Variants in TUT1 observed in about 807,000 individuals in gnomAD.
The protein encoded by TUT1 is terminal uridylyl transferase 1, U6 snRNA-specific, also known as speckle targeted PIP5K1A-regulated poly(A) polymerase.
In TUT1, 26 loss-of-function variants were observed where a neutral mutation model predicts 48.8. The ratio of observed to expected loss-of-function variants is 0.53; its 90% confidence interval spans 0.39 to 0.74. The LOEUF is 0.74. Ranked by LOEUF, TUT1 falls within the 30% of genes least tolerant of loss-of-function variation. The pLI is 0.00. For missense variants in TUT1, 1,065 were observed against 1,114.8 expected (o/e 0.96, Z 0.64); for synonymous variants, 470 against 460.8 (o/e 1.02, Z -0.26).
Position 62,577,281 on chromosome 11 carries a change from G to A in TUT1, c.1171C>T (p.His391Tyr), listed in dbSNP as rs754093168. 6.2e-7 allele frequency: 1 copy of A among 1,612,758 alleles called. No individual in the cohort carries two copies. Among genetic ancestry groups the A allele is most frequent in the East Asian group, 2.2e-5 (1 of 44,878 alleles). The change falls in exon 6 of 9, where the codon CAT becomes TAT. Residue 391 changes from histidine to tyrosine, a missense_variant. Physicochemically the swap from His to Tyr is moderately conservative, Grantham distance 83 (BLOSUM62 2). Transcript: ENST00000476907. Reference sequence around the variant, plus strand: ...CAGAGACTCAGGAAACGGGAGTTATGCAGGGCCAGCCTGGGACAAAGCAGG... The same window carrying A: ...CAGAGACTCAGGAAACGGGAGTTATACAGGGCCAGCCTGGGACAAAGCAGG... ...DVSLSNRLAL[H>Y]NSRFLSLCSE...
chr11:62,578,969 G>T lies in TUT1; in HGVS notation c.752C>A (p.Pro251His), dbSNP rs893753353. The T allele has an allele frequency of 3.3e-6, 5 of 1,525,846 alleles. No homozygotes were observed. The highest frequency in any genetic ancestry group is 4.4e-6 in the Non-Finnish European group (5 of 1,138,778). The allele number at this position is 1,525,846 out of a possible 1,614,324, so 94.5% of individuals were successfully genotyped here. Reference protein sequence around the residue: ...LDSALASPLDPQALACTPASP... With the variant: ...LDSALASPLDHQALACTPASP... ...AGCTGGGGTGCAGGCCAGGGCTTGA[G>T]GGTCCAGTGGGGAAGCCAGGGCCGA... The change falls in exon 5 of 9, where the codon CCT (proline) becomes CAT (histidine). Residue 251 changes from proline to histidine, a missense_variant. Pro to His is a moderately conservative substitution (Grantham distance 77). Coordinates refer to ENST00000476907, the MANE Select transcript of TUT1 (RefSeq NM_022830.3).
Position 62,578,542 on chromosome 11 carries a change from T to C in TUT1, c.1160+19A>G, listed in dbSNP as rs1941768393. ...CCTGGGCAACGAGTGAAATGTCGTC[T>C]CAAAAAAAAGAAAGGTACCGGTTAC... On this transcript the variant is annotated intron_variant, in intron 5 of 8. Transcript: ENST00000476907. The C allele has an allele frequency of 6.4e-7, 1 of 1,560,108 alleles. No homozygotes were observed. Among genetic ancestry groups the C allele is most frequent in the Non-Finnish European group, 8.7e-7 (1 of 1,152,018 alleles).
At position 62,576,257 on chromosome 11, in the gene TUT1, G is replaced by C. The variant is rs1941726020; in HGVS notation, c.1475-13C>G. The C allele has an allele frequency of 6.5e-7, 1 of 1,542,518 alleles. No homozygotes were observed. The highest frequency in any genetic ancestry group is 8.7e-7 in the Non-Finnish European group (1 of 1,146,802). On this transcript the variant is annotated splice_polypyrimidine_tract_variant and intron_variant, in intron 8 of 8. Coordinates refer to ENST00000476907, the MANE Select transcript of TUT1 (RefSeq NM_022830.3). ...GCTAGCAGGGAACCTGGAGGAGGAG[G>C]AAGAGTGGGGAAAGGGGGGTCACTT...
chr11:62,582,132 G>A (rs61895436), intron 2 of TUT1, among the ~76,000 whole-genome samples: 2 of 151,968 alleles, frequency 1.3e-5, no homozygotes, highest in Non-Finnish European at 2.9e-5. Context: ...ACAGGCACAT[G>A]CCACCATGCC....
Position 62,576,715 on chromosome 11 carries a change from G to C in TUT1, c.1416C>G (p.Asp472Glu). ...TTGAGGCATCCCTGGGGAAACTGCA[G>C]TCCCAGCCATCGACTTCCACCTGTT... is the stretch of plus-strand genomic sequence containing the variant. ...EGEQVEVDGW[D>E]CSFPRDASRL... Residue 472 changes from aspartate to glutamate, a missense_variant, in exon 8 of 9, where the codon GAC (aspartate) becomes GAG (glutamate). Transcript: ENST00000476907. The C allele has an allele frequency of 2.5e-6, 4 of 1,614,182 alleles. No homozygotes were observed. The highest frequency in any genetic ancestry group is 3.4e-6 in the Non-Finnish European group (4 of 1,180,038).
chr11:62,576,881 G>A (rs1288806094), intron 7 of TUT1, 26 bp downstream of exon 7: 2 of 1,607,900 alleles, frequency 1.2e-6, no homozygotes. Context: ...TAACAAGATG[G>A]AGAGGGTGGA....
Position 62,578,925 on chromosome 11 carries a change from G to T in TUT1, c.796C>A (p.Pro266Thr). The change falls in exon 5 of 9, where the codon CCT becomes ACT. Residue 266 changes from proline (P) to threonine (T), a missense_variant. By Grantham distance (38) the Pro-to-Thr change is conservative (BLOSUM62 -1). Transcript: ENST00000476907. ...CTPASPPDSQPPASPQDSEAL... is the reference protein window; with the variant it reads ...CTPASPPDSQTPASPQDSEAL... ...TCAGAATCCTGGGGAGAAGCAGGAG[G>T]TTGTGAATCTGGAGGGGAAGCTGGG... The T allele has an allele frequency of 1.9e-6, 3 of 1,569,546 alleles. No individual in the cohort carries two copies. Among genetic ancestry groups the T allele is most frequent in the Non-Finnish European group, 2.6e-6 (3 of 1,157,580 alleles).
intron 5 of TUT1, 144 bp from the exon 6 acceptor site, chr11:62,577,435 A>G: frequency 1.5e-6 from 1 of 673,692 alleles, no homozygotes; most frequent in South Asian, 1.8e-5. Context: ...TGATCTTGTG[A>G]GACAGTGTGC....
At chr11:62,590,230 C>G (rs914613546) in intron 1 of TUT1, among the ~76,000 whole-genome samples, 2 of 152,198 alleles carry the variant, frequency 1.3e-5, no homozygotes, top group African/African-American at 4.8e-5. Flanking sequence ...CATTGGCTCA[C>G]GCCTGTAATC....
chr11:62,591,282 G>C (rs538532233), intron 1 of TUT1, 122 bp downstream of exon 1: 40 of 1,403,370 alleles, frequency 2.9e-5, no homozygotes, highest in Non-Finnish European at 3.3e-5. Context: ...GAAAAACGGA[G>C]GTGAGAGACC....
chr11:62,578,675 C>T lies in TUT1; in HGVS notation c.1046G>A (p.Arg349Gln), dbSNP rs146236984. Residue 349 changes from arginine (R) to glutamine (Q), a missense_variant, in exon 5 of 9, where the codon CGG (arginine) becomes CAG (glutamine). Coordinates refer to ENST00000476907, the MANE Select transcript of TUT1 (RefSeq NM_022830.3). The stretch of plus-strand genomic sequence containing the variant: ...TCGATACACCCCAGGGACACAGCCC[C>T]GGAGAATGGATCCCACCAGCTCCAG... ...AMLELVGSILRGCVPGVYRVQ... is the reference protein window; with the variant it reads ...AMLELVGSILQGCVPGVYRVQ... 3.7e-6 allele frequency: 6 copies of T among 1,614,122 alleles called. No individual in the cohort carries two copies. Among genetic ancestry groups the T allele is most frequent in the African/African-American group, 1.3e-5 (1 of 74,928 alleles).
At chr11:62,581,037 G>C in intron 4 of TUT1, 69 bp downstream of exon 4, 1 of 1,203,062 alleles carries the variant, frequency 8.3e-7, no homozygotes, top group Non-Finnish European at 1.2e-6. Context: ...AGAGCTAAAG[G>C]ACTTGCCCAC....
At chr11:62,583,128 CAAAA>C (rs777695327) in intron 2 of TUT1, among the ~76,000 whole-genome samples, 2 of 58,540 alleles carry the variant, frequency 3.4e-5, no homozygotes, top group Admixed American at 1.9e-4. Context: ...ACTCTGTCTC[CAAAA>C]AAAAAAAAAA....
chr11:62,583,637 G>T (rs1252958850), intron 2 of TUT1, among the ~76,000 whole-genome samples: 1 of 152,092 alleles, frequency 6.6e-6, no homozygotes, highest in Non-Finnish European at 1.5e-5. Flanking sequence ...GGAAAAACAG[G>T]ACTGCTTTAG....
chr11:62,582,092 C>T (rs1345076396), intron 2 of TUT1, among the ~76,000 whole-genome samples: 1 of 152,000 alleles, frequency 6.6e-6, no homozygotes, highest in Non-Finnish European at 1.5e-5. Flanking sequence ...CAGCGATTCT[C>T]CTGCCTCAGT....
In TUT1 at chr11:62,581,546, G is replaced by C; in HGVS notation, c.429C>G (p.Ala143=). 1 of 1,613,676 alleles carries C rather than the reference G, an allele frequency of 6.2e-7. No individual in the cohort carries two copies. Among genetic ancestry groups the C allele is most frequent in the Non-Finnish European group, 8.5e-7 (1 of 1,179,840 alleles). ...SPASKSPKGA[A]PDSHQLAKAL... ...CTTTGGCCAGCTGGTGACTGTCGGG[G>C]GCCGCTCCTTTGGGGGATTTGGAGG... The change falls in exon 3 of 9, where the codon GCC becomes GCG. Residue 143 remains alanine (A), a synonymous_variant. Coordinates refer to ENST00000476907, the MANE Select transcript of TUT1 (RefSeq NM_022830.3).
Position 62,591,498 on chromosome 11 carries a change from G to T in TUT1, c.-13C>A. On this transcript the variant is annotated 5_prime_UTR_variant, in exon 1 of 9. Transcript: ENST00000476907. ...CCACCGCCGCCATAGCGACTCTCCT[G>T]TACCGACAAAAACACAAGCACCTCT... 1 of 1,613,996 alleles carries T rather than the reference G, an allele frequency of 6.2e-7. No homozygotes were observed. The highest frequency in any genetic ancestry group is 8.5e-7 in the Non-Finnish European group (1 of 1,179,950).
At chr11:62,588,385 C>T (rs932274959) in intron 2 of TUT1, among the ~76,000 whole-genome samples, 2 of 152,186 alleles carry the variant, frequency 1.3e-5, no homozygotes, top group African/African-American at 4.8e-5. Flanking sequence ...GAAACCCTGT[C>T]TCTACTAAAA....
chr11:62,590,373 A>G (rs1003114190), intron 1 of TUT1, among the ~76,000 whole-genome samples: 4 of 152,172 alleles, frequency 2.6e-5, no homozygotes, highest in African/African-American at 9.7e-5. Context: ...GCGGTGGCTC[A>G]GGCCTGTAAT....
Sources: allele counts gnomAD v4.1 joint callset (sites outside exome capture counted in the v4.1 genomes callset), GRCh38; gene constraint gnomAD v4.1.1; transcripts MANE v1.5; gene names NCBI Gene and HGNC (gene_info 2026-07-23, HGNC 2026-07-21).